The following ANO3 variants were observed in gnomAD, a reference collection of about 807,000 sequenced individuals.
The protein encoded by ANO3 is anoctamin-3.
Under a neutral mutation model 144.8 loss-of-function variants are expected in ANO3, and 99 were observed. The observed-to-expected ratio is 0.68, with a 90% CI of 0.58 to 0.81. The LOEUF (loss-of-function observed/expected upper bound fraction) is 0.81. Ranked by LOEUF, ANO3 falls within the 30% of genes least tolerant of loss-of-function variation. ANO3 has a pLI of 0.00. For synonymous variants in ANO3, 414 were observed against 392.6 expected (o/e 1.05, Z -0.64); for missense variants, 905 against 1,202.2 (o/e 0.75, Z 3.66).
At chr11:26,245,409 A>T (rs1342992473) in intron 1 of ANO3, among the ~76,000 whole-genome samples, 1 of 152,198 alleles carries the variant, frequency 6.6e-6, no homozygotes, top group African/African-American at 2.4e-5. Flanking sequence ...AGCCCGAATC[A>T]ATTATTACAA....
chr11:26,200,832 T>A (rs1364205336), intron 1 of ANO3, among the ~76,000 whole-genome samples: 1 of 152,134 alleles, frequency 6.6e-6, no homozygotes, highest in African/African-American at 2.4e-5. Context: ...TACTTGTATA[T>A]AACAGAAATT....
chr11:26,656,602 A>G, intron 26 of ANO3, 121 bp downstream of exon 26: 1 of 674,822 alleles, frequency 1.5e-6, no homozygotes, highest in Non-Finnish European at 2.6e-6. Context: ...GGTCCCGTAA[A>G]AGGCTTTAAT....
chr11:26,289,294 C>T (rs1417451464), intron 1 of ANO3, among the ~76,000 whole-genome samples: 1 of 151,790 alleles, frequency 6.6e-6, no homozygotes, highest in Non-Finnish European at 1.5e-5. Flanking sequence ...CAACTAACTT[C>T]ATTTTTTCAA....
upstream of ANO3, among the ~76,000 whole-genome samples, chr11:26,304,713 C>T (rs752277084): frequency 2.2e-4 from 33 of 152,166 alleles, no homozygotes; most frequent in Middle Eastern, 3.4e-3. Flanking sequence ...TTATGTTATA[C>T]AAGTTTTCTT....
Position 26,632,824 on chromosome 11 carries a change from C to T in ANO3, c.1874-1380C>T, listed in dbSNP as rs1852829489. Among the ~76,000 whole-genome samples the T allele has an allele frequency of 2.6e-5, 4 of 152,100 alleles. 1 individual carries two copies. Among genetic ancestry groups the T allele is most frequent in the Admixed American group, 2.6e-4 (4 of 15,264 alleles). On this transcript the variant is annotated intron_variant, in intron 18 of 26. Coordinates refer to ENST00000256737, the MANE Select transcript of ANO3 (RefSeq NM_031418.4). Reference sequence around the variant, plus strand: ...GAAATGAAGAACCAAAACTAATCTACACAATAAAAAGTACCTAAAAATCTA... The same window carrying T: ...GAAATGAAGAACCAAAACTAATCTATACAATAAAAAGTACCTAAAAATCTA...
rs527611289 is a variant in ANO3 at position 26,231,462 on chromosome 11, A to C, written c.154+42132A>C. Among the ~76,000 whole-genome samples, 15 of 152,264 alleles carry C rather than the reference A, an allele frequency of 9.9e-5. No homozygotes were observed. In the South Asian group the frequency reaches 3.1e-3, roughly 32 times the overall value. ...GAGAATCACAGCCTGGGATCTCTGG[A>C]AAGGTGACTTGTCCAACTTTGTCTC... On this transcript the variant is annotated intron_variant, in intron 1 of 27. Transcript: ENST00000672621.
intron 17 of ANO3, among the ~76,000 whole-genome samples, chr11:26,616,268 A>G (rs1852258560): frequency 1.3e-5 from 2 of 152,168 alleles, no homozygotes; most frequent in African/African-American, 2.4e-5. Flanking sequence ...CTATAAACCT[A>G]ATTGTACCTG....
intron 14 of ANO3, among the ~76,000 whole-genome samples, chr11:26,594,223 A>G (rs1851540191): frequency 6.6e-6 from 1 of 151,942 alleles, no homozygotes; most frequent in African/African-American, 2.4e-5. Context: ...ACCAATCTCC[A>G]TCTTCTGATT....
At chr11:26,339,519 A>C (rs773544205) in intron 1 of ANO3, among the ~76,000 whole-genome samples, 3 of 152,184 alleles carry the variant, frequency 2.0e-5, no homozygotes, top group Non-Finnish European at 4.4e-5. Context: ...GGTTCTTTGG[A>C]GAATGAAACA....
intron 1 of ANO3, among the ~76,000 whole-genome samples, chr11:26,333,412 G>A (rs2133890444): frequency 6.6e-6 from 1 of 151,850 alleles, no homozygotes; most frequent in African/African-American, 2.4e-5. Flanking sequence ...CTCCTGAGTA[G>A]CTGGGACTAC....
At chr11:26,441,104 C>G (rs1858492424) in intron 1 of ANO3, among the ~76,000 whole-genome samples, 1 of 121,994 alleles carries the variant, frequency 8.2e-6, no homozygotes, top group Non-Finnish European at 1.7e-5. Flanking sequence ...GCTTGCTGCC[C>G]AGTTTTTTTT....
chr11:26,306,196 G>A (rs1370106637), upstream of ANO3, among the ~76,000 whole-genome samples: 3 of 145,462 alleles, frequency 2.1e-5, no homozygotes, highest in East Asian at 2.0e-4. Context: ...GGATGGTCTC[G>A]ATCTCCTGAC....
In ANO3 at chr11:26,416,142, C is replaced by G. The variant is rs557757650; in HGVS notation, c.47-25776C>G. On this transcript the variant is annotated intron_variant, in intron 1 of 26. Coordinates refer to ENST00000256737, the MANE Select transcript of ANO3 (RefSeq NM_031418.4). ...ATAAGAGCATCTAAACTTTATTCTC[C>G]TTCTCTACCCTAAGTAAAATAGTAT... is the stretch of plus-strand genomic sequence containing the variant. 2.6e-5 allele frequency among the ~76,000 whole-genome samples: 4 copies of G among 152,100 alleles called. No individual in the cohort carries two copies. The East Asian group carries it at 7.8e-4, about 30-fold the overall frequency.
chr11:26,620,092 C>G (rs1852372409), intron 17 of ANO3, among the ~76,000 whole-genome samples: 2 of 152,082 alleles, frequency 1.3e-5, no homozygotes, highest in South Asian at 4.2e-4. Flanking sequence ...CTTTCCTAGG[C>G]CTACCATTTT....
At chr11:26,255,499 T>A (rs148151494) in intron 1 of ANO3, among the ~76,000 whole-genome samples, 1 of 152,152 alleles carries the variant, frequency 6.6e-6, no homozygotes, top group African/African-American at 2.4e-5. Context: ...TACTCTACAA[T>A]GTTTTCCATA....
rs577268569 is a variant in ANO3 at position 26,323,938 on chromosome 11, A to C, written c.-3+14219A>C. ...TGAAAACCAGTAGACTTAGAAACAC[A>C]GTAGCTGTGAAAACCAGCTGCCTAG... On this transcript the variant is annotated intron_variant, in intron 1 of 26. Coordinates refer to the ANO3 transcript ENST00000525139. 7.2e-5 allele frequency among the ~76,000 whole-genome samples: 11 copies of C among 152,334 alleles called. No individual in the cohort carries two copies. The South Asian group carries it at 2.1e-3, about 29-fold the overall frequency.
chr11:26,389,916 C>T (rs968123089), intron 1 of ANO3, among the ~76,000 whole-genome samples: 5 of 152,018 alleles, frequency 3.3e-5, no homozygotes, highest in Admixed American at 6.6e-5. Context: ...ACCTCTACTA[C>T]GTGCCTCCAG....
At chr11:26,625,688 C>A (rs1291855864) in intron 18 of ANO3, among the ~76,000 whole-genome samples, 2 of 152,106 alleles carry the variant, frequency 1.3e-5, no homozygotes, top group Non-Finnish European at 2.9e-5. Context: ...TCAGACACAT[C>A]AAGTATTATA....
intron 4 of ANO3, among the ~76,000 whole-genome samples, chr11:26,470,663 A>T (rs1002914806): frequency 1.3e-5 from 2 of 152,018 alleles, no homozygotes; most frequent in African/African-American, 4.8e-5. Flanking sequence ...CTGTAAAAAA[A>T]TGTGCAGTAT....
Sources: allele counts gnomAD v4.1 joint callset (sites outside exome capture counted in the v4.1 genomes callset), GRCh38; gene constraint gnomAD v4.1.1; transcripts MANE v1.5; gene names NCBI Gene and HGNC (gene_info 2026-07-23, HGNC 2026-07-21).